CAMTA1: variants seen among roughly 807,000 people sequenced by gnomAD.
The protein encoded by CAMTA1 is calmodulin binding transcription activator 1.
CAMTA1 carries 27 observed loss-of-function variants against 170.9 expected under a neutral mutation model. The ratio of observed to expected loss-of-function variants is 0.16; its 90% confidence interval spans 0.12 to 0.22. The LOEUF is 0.22. CAMTA1 is among the 10% of genes least tolerant of loss of function. CAMTA1 has a pLI of 1.00. For missense variants in CAMTA1, 1,619 were observed against 2,217.2 expected, an observed-to-expected ratio of 0.73 and a Z score of 5.42; for synonymous variants, 833 against 891.5, an observed-to-expected ratio of 0.93 and a Z score of 1.17.
intron 3 of CAMTA1, among the ~76,000 whole-genome samples, chr1:6,865,837 G>C (rs1666403414): frequency 6.6e-6 from 1 of 152,204 alleles, no homozygotes; most frequent in African/African-American, 2.4e-5. Context: ...GCTATAACCT[G>C]AACCCAGGTT....
intron 4 of CAMTA1, among the ~76,000 whole-genome samples, chr1:7,157,979 G>T (rs1646992734): frequency 6.6e-6 from 1 of 152,164 alleles, no homozygotes; most frequent in Non-Finnish European, 1.5e-5. Context: ...CTAACACAGT[G>T]AAACCCCATC....
Position 7,592,115 on chromosome 1 carries a change from T to C in CAMTA1, c.511-48285T>C, listed in dbSNP as rs1214571805. Among the ~76,000 whole-genome samples, 1 of 152,068 alleles carries C rather than the reference T, an allele frequency of 6.6e-6. No individual in the cohort carries two copies. On this transcript the variant is annotated intron_variant, in intron 6 of 22. Coordinates refer to ENST00000303635, the MANE Select transcript of CAMTA1 (RefSeq NM_015215.4). The surrounding 1 kb of genome is among the most constrained non-coding windows in gnomAD (Gnocchi z 4.6). ...GGTTTCATCATGTTGGCCAGGCTGG[T>C]CTCGAACTCCTGACCTCAGATGATC...
chr1:7,126,351 C>G (rs537226707), intron 4 of CAMTA1, among the ~76,000 whole-genome samples: 1 of 152,214 alleles, frequency 6.6e-6, no homozygotes, highest in African/African-American at 2.4e-5. Flanking sequence ...TACCCCCTCC[C>G]TAATTCAATC....
intron 3 of CAMTA1, among the ~76,000 whole-genome samples, chr1:6,875,815 T>A (rs1669674009): frequency 6.6e-6 from 1 of 152,252 alleles, no homozygotes; most frequent in Non-Finnish European, 1.5e-5. Flanking sequence ...ACTCTTGTTC[T>A]AGAGAGATGG....
intron 6 of CAMTA1, among the ~76,000 whole-genome samples, chr1:7,550,781 G>A (rs2094789986): frequency 1.8e-5 from 2 of 111,978 alleles, no homozygotes; most frequent in Admixed American, 2.2e-4. Context: ...TCTCCTACCT[G>A]ACCGTCTTTC....
intron 3 of CAMTA1, among the ~76,000 whole-genome samples, chr1:6,991,195 T>G (rs1227318043): frequency 6.6e-6 from 1 of 152,170 alleles, no homozygotes; most frequent in Non-Finnish European, 1.5e-5. Flanking sequence ...AAAACTGCTG[T>G]GAATATTTTG....
Position 6,785,485 on chromosome 1 carries a change from C to A in CAMTA1, c.-46C>A. 1 of 1,004,568 alleles carries A rather than the reference C, an allele frequency of 1.0e-6. No individual in the cohort carries two copies. The highest frequency in any genetic ancestry group is 1.2e-6 in the Non-Finnish European group (1 of 836,976). 62.2% of individuals were successfully genotyped at this position (1,004,568 alleles called of 1,614,324 possible). A position where few individuals can be genotyped will look rare whatever the true frequency, so the allele number is the denominator to read the frequency against. Reference sequence around the variant, plus strand: ...GGGGTGGCTGGGCCGGCGGCGGCGGCGGTACGAGGCGCGCGCTCGGGGTCC... The same window carrying A: ...GGGGTGGCTGGGCCGGCGGCGGCGGAGGTACGAGGCGCGCGCTCGGGGTCC... On this transcript the variant is annotated 5_prime_UTR_variant, in exon 1 of 23. Coordinates refer to ENST00000303635, the MANE Select transcript of CAMTA1 (RefSeq NM_015215.4).
At chr1:7,362,393 C>T (rs1321453419) in intron 5 of CAMTA1, among the ~76,000 whole-genome samples, 1 of 145,370 alleles carries the variant, frequency 6.9e-6, no homozygotes, top group Non-Finnish European at 1.5e-5. Flanking sequence ...GACTTGGGTA[C>T]AGTTAGTAGA....
chr1:6,828,086 C>T (rs1237857295), intron 3 of CAMTA1, among the ~76,000 whole-genome samples: 1 of 152,062 alleles, frequency 6.6e-6, no homozygotes, highest in Non-Finnish European at 1.5e-5. Flanking sequence ...TGTCAACTGT[C>T]ATCTTTCTCT....
intron 3 of CAMTA1, among the ~76,000 whole-genome samples, chr1:6,989,183 C>A (rs1342365160): frequency 6.6e-6 from 1 of 152,172 alleles, no homozygotes; most frequent in Non-Finnish European, 1.5e-5. Context: ...GGACCTGCCT[C>A]TTCCAAGGAG....
chr1:7,035,006 A>T (rs1211294735), intron 3 of CAMTA1, among the ~76,000 whole-genome samples: 1 of 152,226 alleles, frequency 6.6e-6, no homozygotes, highest in Non-Finnish European at 1.5e-5. Context: ...CTTTTCTTCA[A>T]GACAACCATC....
At chr1:7,087,425 T>A (rs1249635246) in intron 3 of CAMTA1, among the ~76,000 whole-genome samples, 1 of 152,170 alleles carries the variant, frequency 6.6e-6, no homozygotes, top group Non-Finnish European at 1.5e-5. Context: ...GGAGATTCAG[T>A]CTGGACTCCT....
chr1:7,729,683 A>G (rs1305138634), intron 11 of CAMTA1, among the ~76,000 whole-genome samples: 3 of 152,186 alleles, frequency 2.0e-5, no homozygotes, highest in Non-Finnish European at 4.4e-5. Context: ...CAGATGGGTT[A>G]TCTCCATGTG....
At chr1:7,599,894 G>C (rs369094360) in intron 6 of CAMTA1, among the ~76,000 whole-genome samples, 1 of 152,140 alleles carries the variant, frequency 6.6e-6, no homozygotes, top group East Asian at 1.9e-4. Flanking sequence ...AAACAGGGAC[G>C]ATTTGACTTC....
intron 6 of CAMTA1, among the ~76,000 whole-genome samples, chr1:7,589,014 A>G (rs1052077231): frequency 6.6e-6 from 1 of 152,148 alleles, no homozygotes; most frequent in Admixed American, 6.5e-5. Context: ...GCAGCCAGAA[A>G]ACCGACTCCC....
chr1:7,045,584 G>A (rs1426656039), intron 3 of CAMTA1, among the ~76,000 whole-genome samples: 1 of 152,204 alleles, frequency 6.6e-6, no homozygotes, highest in Non-Finnish European at 1.5e-5. Context: ...TATTGTAGAT[G>A]CCCTTAGCAA....
At chr1:6,797,391 T>G (rs376008747) in intron 1 of CAMTA1, among the ~76,000 whole-genome samples, 2,589 of 135,318 alleles carry the variant, frequency 0.019, 35 homozygotes, top group South Asian at 0.035. Flanking sequence ...ATTTACTGGG[T>G]TTTTTTTTTT....
intron 3 of CAMTA1, among the ~76,000 whole-genome samples, chr1:7,033,818 G>A (rs1430495849): frequency 5.3e-5 from 8 of 151,806 alleles, no homozygotes; most frequent in Admixed American, 4.6e-4. Flanking sequence ...GGTCTCAAAC[G>A]CCTGACCCCA....
rs938443961 is a variant in CAMTA1, at chr1:7,146,980, G to C, written c.302+55609G>C. Among the ~76,000 whole-genome samples the C allele has an allele frequency of 1.1e-4, 16 of 151,080 alleles. No individual in the cohort carries two copies. Among genetic ancestry groups the C allele is most frequent in the Admixed American group, 2.0e-4 (3 of 15,156 alleles). The stretch of plus-strand genomic sequence containing the variant: ...CAAACATATGCCGTGCACACACACA[G>C]AAAGTTACAGCACGCACACACGCAC... On this transcript the variant is annotated intron_variant, in intron 4 of 22. Coordinates refer to ENST00000303635, the MANE Select transcript of CAMTA1 (RefSeq NM_015215.4). This position sits in a 1 kb window ranked among gnomAD's most constrained non-coding sequence, Gnocchi z 4.3.
Sources: allele counts gnomAD v4.1 joint callset (sites outside exome capture counted in the v4.1 genomes callset), GRCh38; gene constraint gnomAD v4.1.1; non-coding constraint Gnocchi (gnomAD v3.1); transcripts MANE v1.5; gene names NCBI Gene and HGNC (gene_info 2026-07-23, HGNC 2026-07-21).